Variants in SH3PXD2B observed in about 807,000 individuals in gnomAD.
The protein encoded by SH3PXD2B is SH3 and PX domain-containing protein 2B.
A neutral mutation model predicts 73.1 loss-of-function variants in SH3PXD2B; 37 were observed. That is an observed-to-expected ratio of 0.51 (90% CI 0.39 to 0.67). The LOEUF (loss-of-function observed/expected upper bound fraction) is 0.67, where lower values mean the gene tolerates loss of function less well. Among genes scored for constraint, SH3PXD2B ranks in the 30% least tolerant of loss-of-function variants. The pLI, the probability that SH3PXD2B is intolerant of heterozygous loss-of-function variation, is 0.00. For missense variants in SH3PXD2B, 1,053 were observed against 1,197.8 expected, an observed-to-expected ratio of 0.88 and a Z score of 1.78; for synonymous variants, 457 against 480.5, an observed-to-expected ratio of 0.95 and a Z score of 0.64.
intron 1 of SH3PXD2B, among the ~76,000 whole-genome samples, chr5:172,443,568 C>T (rs1418593861): frequency 6.6e-6 from 1 of 152,226 alleles, no homozygotes; most frequent in Non-Finnish European, 1.5e-5. Context: ...AGATGGTGAC[C>T]TCTGTGAGGA....
At chr5:172,327,992 T>G (rs960272492) in intron 12 of SH3PXD2B, among the ~76,000 whole-genome samples, 4 of 149,834 alleles carry the variant, frequency 2.7e-5, no homozygotes, top group African/African-American at 9.9e-5. Flanking sequence ...TGACTTCAAG[T>G]GATCCACCCA....
chr5:172,418,354 G>A (rs575539710), intron 2 of SH3PXD2B, among the ~76,000 whole-genome samples: 1 of 152,350 alleles, frequency 6.6e-6, no homozygotes, highest in East Asian at 1.9e-4. Flanking sequence ...AGGCACAGAG[G>A]GGTTAAGGGG....
chr5:172,347,211 G>C, intron 11 of SH3PXD2B, 72 bp downstream of exon 11: 3 of 1,459,502 alleles, frequency 2.1e-6, no homozygotes, highest in Non-Finnish European at 2.9e-6. Context: ...CGAGGGGTGT[G>C]TGAGGGGCTA....
chr5:172,436,146 G>C (rs1759380922), intron 1 of SH3PXD2B, among the ~76,000 whole-genome samples: 1 of 152,154 alleles, frequency 6.6e-6, no homozygotes, highest in African/African-American at 2.4e-5. Context: ...TGCCCCTATG[G>C]GCCTCTTACA....
chr5:172,389,716 C>T (rs546871647), intron 4 of SH3PXD2B, among the ~76,000 whole-genome samples: 9 of 152,062 alleles, frequency 5.9e-5, no homozygotes, highest in Non-Finnish European at 1.3e-4. Context: ...TAGAGCAAGA[C>T]CTTGTCTCAA....
intron 4 of SH3PXD2B, among the ~76,000 whole-genome samples, chr5:172,385,030 A>C (rs931629881): frequency 2.6e-5 from 4 of 152,184 alleles, no homozygotes; most frequent in African/African-American, 9.6e-5. Context: ...AGGGAGTCCC[A>C]GAGACAGGAG....
intron 4 of SH3PXD2B, among the ~76,000 whole-genome samples, chr5:172,390,930 T>G (rs1256144520): frequency 6.7e-6 from 1 of 149,484 alleles, no homozygotes. Flanking sequence ...CAATCTCCAC[T>G]TCCCGGGTTC....
At chr5:172,345,003 AAG>A (rs1349022637) in intron 12 of SH3PXD2B, among the ~76,000 whole-genome samples, 2 of 149,900 alleles carry the variant, frequency 1.3e-5, no homozygotes, top group South Asian at 2.1e-4. Context: ...GGAGGGAGGA[AAG>A]AGAGAAGGAG....
chr5:172,386,585 G>GCTTTTAT (rs1554138318), intron 4 of SH3PXD2B, among the ~76,000 whole-genome samples: 7 of 151,234 alleles, frequency 4.6e-5, no homozygotes, highest in Non-Finnish European at 1.0e-4. Context: ...TTGTTTTATT[G>GCTTTTAT]TTTTTATTTT....
Position 172,397,836 on chromosome 5 carries a change from T to C in SH3PXD2B, c.233-3197A>G, listed in dbSNP as rs532184279. ...CAGCATATGATGGAAAACATGGGGT[T>C]TGTTCCTGGGCTCGGTCTCGGTCCA... On this transcript the variant is annotated intron_variant, in intron 3 of 12. Transcript: ENST00000311601. 3.3e-5 allele frequency among the ~76,000 whole-genome samples: 5 copies of C among 152,326 alleles called. No homozygotes were observed. In the East Asian group the frequency reaches 9.6e-4, roughly 29 times the overall value.
chr5:172,411,644 C>T (rs372026499), intron 2 of SH3PXD2B, among the ~76,000 whole-genome samples: 3 of 152,142 alleles, frequency 2.0e-5, no homozygotes, highest in African/African-American at 4.8e-5. Context: ...GCCTGCTCCG[C>T]GGCGGGGCTG....
Position 172,338,437 on chromosome 5 carries a change from G to T in SH3PXD2B, c.2668C>A (p.Gln890Lys). 2 of 1,614,182 alleles carry T rather than the reference G, an allele frequency of 1.2e-6. No homozygotes were observed. The highest frequency in any genetic ancestry group is 2.7e-5 in the African/African-American group (2 of 75,046). Reference protein sequence around the residue: ...EKNSSGWWFCQVLSGAPSWEG... With the variant: ...EKNSSGWWFCKVLSGAPSWEG... ...CAGGAAGGGGCTCCGCTCAGGACCTGGCAGAACCACCAGCCACTGCTGTTC... is the reference window on the plus strand; with the variant it reads ...CAGGAAGGGGCTCCGCTCAGGACCTTGCAGAACCACCAGCCACTGCTGTTC... The change falls in exon 13 of 13, where the codon CAG becomes AAG. Residue 890 changes from glutamine (Q) to lysine (K), a missense_variant. Gln to Lys is a moderately conservative substitution (Grantham distance 53, BLOSUM62 1). Transcript: ENST00000311601. This position sits in a 1 kb window ranked among gnomAD's most constrained non-coding sequence, Gnocchi z 5.1.
chr5:172,412,576 T>C (rs1758726079), intron 2 of SH3PXD2B, among the ~76,000 whole-genome samples: 1 of 152,200 alleles, frequency 6.6e-6, no homozygotes, highest in Admixed American at 6.5e-5. Flanking sequence ...GGACTCAGGA[T>C]AAGATGCTGG....
intron 2 of SH3PXD2B, among the ~76,000 whole-genome samples, chr5:172,414,838 G>A (rs1449206294): frequency 6.6e-6 from 1 of 152,172 alleles, no homozygotes; most frequent in Non-Finnish European, 1.5e-5. Context: ...TGGAATTCTG[G>A]AAGATGCCCA....
At chr5:172,379,191 G>A (rs1302217067) in intron 5 of SH3PXD2B, among the ~76,000 whole-genome samples, 2 of 151,160 alleles carry the variant, frequency 1.3e-5, no homozygotes, top group African/African-American at 2.4e-5. Flanking sequence ...GGTCATAAAC[G>A]TGGAGCCCCC....
In SH3PXD2B at chr5:172,339,317, C is replaced by A. The variant is rs776495688; in HGVS notation, c.1788G>T (p.Leu596=). ...RLFQLKNDMG[L]ECGHKVLAKE... ...TGGCCAAGACCTTGTGGCCACACTC[C>A]AGCCCCATGTCATTTTTCAGCTGGA... Residue 596 remains leucine, a synonymous_variant, in exon 13 of 13, where the codon CTG becomes CTT. Transcript: ENST00000311601. The surrounding 1 kb of genome is among the most constrained non-coding windows in gnomAD (Gnocchi z 6.1). 5.6e-6 allele frequency: 9 copies of A among 1,614,216 alleles called. No homozygotes were observed. Among genetic ancestry groups the A allele is most frequent in the Non-Finnish European group, 6.8e-6 (8 of 1,180,036 alleles).
At chr5:172,390,813 TTTTGTGTG>T (rs1290554686) in intron 4 of SH3PXD2B, among the ~76,000 whole-genome samples, 42 of 116,860 alleles carry the variant, frequency 3.6e-4, no homozygotes, top group African/African-American at 1.3e-3. Context: ...GCTTCCCGTC[TTTTGTGTG>T]TGTGTGTGTG....
chr5:172,367,475 G>A (rs1331691809), intron 6 of SH3PXD2B, among the ~76,000 whole-genome samples: 2 of 148,684 alleles, frequency 1.3e-5, no homozygotes, highest in Non-Finnish European at 3.0e-5. Flanking sequence ...CAATCCACTT[G>A]CCTCAGCCTC....
At chr5:172,435,865 G>A (rs1231210227) in intron 1 of SH3PXD2B, among the ~76,000 whole-genome samples, 1 of 152,190 alleles carries the variant, frequency 6.6e-6, no homozygotes, top group Non-Finnish European at 1.5e-5. Context: ...ATGGGGCCGG[G>A]GCTGTTTCCT....
Sources: allele counts gnomAD v4.1 joint callset (sites outside exome capture counted in the v4.1 genomes callset), GRCh38; gene constraint gnomAD v4.1.1; non-coding constraint Gnocchi (gnomAD v3.1); transcripts MANE v1.5; gene names NCBI Gene and HGNC (gene_info 2026-07-23, HGNC 2026-07-21).